CTBP2: variants seen among roughly 807,000 people sequenced by gnomAD.
CTBP2 encodes the protein C-terminal-binding protein 2.
Under a neutral mutation model 80.3 loss-of-function variants are expected in CTBP2, and 30 were observed. The ratio of observed to expected loss-of-function variants is 0.37; its 90% CI spans 0.28 to 0.51. CTBP2 has a LOEUF of 0.51. Ranked by LOEUF, CTBP2 falls within the 20% of genes least tolerant of loss-of-function variation. The pLI, the probability that CTBP2 is intolerant of heterozygous loss-of-function variation, is 0.93. For synonymous variants in CTBP2, 594 were observed against 587.4 expected (o/e 1.01, Z -0.16); for missense variants, 1,212 against 1,375.3 (o/e 0.88, Z 1.88).
At chr10:125,061,028 C>A (rs1472479553) in intron 2 of CTBP2, among the ~76,000 whole-genome samples, 1 of 152,198 alleles carries the variant, frequency 6.6e-6, no homozygotes, top group Admixed American at 6.5e-5. Context: ...CGGCTCCCGG[C>A]AACCCTCAAT....
intron 1 of CTBP2, among the ~76,000 whole-genome samples, chr10:125,022,691 A>G (rs1255617296): frequency 2.6e-5 from 4 of 152,214 alleles, no homozygotes; most frequent in African/African-American, 9.6e-5. Flanking sequence ...GCACACAGGA[A>G]GGGCTGGACT....
At chr10:125,043,334 G>A (rs528554764) in intron 2 of CTBP2, among the ~76,000 whole-genome samples, 12 of 152,304 alleles carry the variant, frequency 7.9e-5, no homozygotes, top group East Asian at 3.9e-4. Context: ...CCAGCTCCTC[G>A]CCACCATCAT....
At chr10:125,150,602 C>T (rs1422238151) in intron 1 of CTBP2, among the ~76,000 whole-genome samples, 1 of 151,894 alleles carries the variant, frequency 6.6e-6, no homozygotes, top group African/African-American at 2.4e-5. Flanking sequence ...ACCTAAGCTC[C>T]CTGGCCCTGA....
chr10:125,061,686 C>T (rs1388142479), intron 2 of CTBP2, among the ~76,000 whole-genome samples: 2 of 152,190 alleles, frequency 1.3e-5, no homozygotes, highest in Admixed American at 6.5e-5. Flanking sequence ...ACAGGCCAGA[C>T]GGAGCCCCCG....
At chr10:125,098,775 A>G in intron 2 of CTBP2, among the ~76,000 whole-genome samples, 1 of 150,244 alleles carries the variant, frequency 6.7e-6, no homozygotes, top group East Asian at 2.0e-4. Context: ...AGAGAGAGAG[A>G]GAGACAGAGA....
chr10:125,101,231 C>T (rs1442732760), intron 2 of CTBP2, among the ~76,000 whole-genome samples: 1 of 152,228 alleles, frequency 6.6e-6, no homozygotes, highest in Non-Finnish European at 1.5e-5. Context: ...TGTGAAGTGG[C>T]CGTGTTCCCG....
intron 2 of CTBP2, among the ~76,000 whole-genome samples, chr10:125,083,632 G>GT (rs1204984271): frequency 1.3e-5 from 2 of 152,134 alleles, no homozygotes; most frequent in Non-Finnish European, 2.9e-5. Flanking sequence ...TACACTCGCT[G>GT]TTGTTTGTTT....
chr10:125,049,046 G>GACACACACACACACACAC (rs1178000125), intron 2 of CTBP2, among the ~76,000 whole-genome samples: 1,392 of 89,582 alleles, frequency 0.016, 58 homozygotes, highest in East Asian at 0.049. Flanking sequence ...CCTGACCACA[G>GACACACACACACACACAC]ACACACACAC....
intron 3 of CTBP2, among the ~76,000 whole-genome samples, chr10:125,038,217 G>A (rs1343180578): frequency 6.6e-6 from 1 of 152,178 alleles, no homozygotes; most frequent in Non-Finnish European, 1.5e-5. Flanking sequence ...GCATATTCCT[G>A]TCCACAAACT....
chr10:125,154,194 AT>A (rs1860514370), intron 1 of CTBP2, among the ~76,000 whole-genome samples: 1 of 152,176 alleles, frequency 6.6e-6, no homozygotes, highest in Admixed American at 6.5e-5. Context: ...GTATTTTTGT[AT>A]TTTATAAATG....
intron 2 of CTBP2, chr10:125,088,090 G>C (rs929254174): frequency 6.6e-6 from 1 of 152,354 alleles, no homozygotes; most frequent in East Asian, 1.9e-4. Context: ...ACAGAGAACT[G>C]TCCAGGATGC....
chr10:125,048,714 A>C (rs1961891799), intron 2 of CTBP2, among the ~76,000 whole-genome samples: 1 of 152,192 alleles, frequency 6.6e-6, no homozygotes, highest in Non-Finnish European at 1.5e-5. Context: ...TAGTGTTGAA[A>C]ATTGGAAACA....
Position 125,024,556 on chromosome 10 carries a change from A to G in CTBP2, c.1678+1526T>C, listed in dbSNP as rs573525095. 2.0e-5 allele frequency among the ~76,000 whole-genome samples: 3 copies of G among 152,374 alleles called. No homozygotes were observed. The South Asian group carries it at 6.2e-4, about 32-fold the overall frequency. On this transcript the variant is annotated intron_variant, in intron 1 of 8. Coordinates refer to ENST00000309035, the MANE Select transcript of CTBP2 (RefSeq NM_022802.3). ...AAAAGAAAAGAAAAGGCAATCTTACAGGTTCCTCCTTCGGCAAAACCTTTC... is the reference window on the plus strand; with the variant it reads ...AAAAGAAAAGAAAAGGCAATCTTACGGGTTCCTCCTTCGGCAAAACCTTTC...
At position 125,027,050 on chromosome 10, in the gene CTBP2, C is replaced by G; in HGVS notation, c.710G>C (p.Ser237Thr). The G allele has an allele frequency of 6.2e-7, 1 of 1,613,448 alleles. No homozygotes were observed. Among genetic ancestry groups the G allele is most frequent in the South Asian group, 1.1e-5 (1 of 91,068 alleles). ...GCTGCCTTCGGGGGCAGCAGCTGAA[C>G]TGGGGTCCACAACCAGGCACGTCGG... is the stretch of plus-strand genomic sequence containing the variant. Residue 237 changes from serine (S) to threonine (T), a missense_variant, in exon 1 of 9, where the codon AGT becomes ACT. By Grantham distance (58) the Ser-to-Thr change is moderately conservative. Around this residue, in one of 3 missense-constraint regions of CTBP2, gnomAD observed 848 missense variants for 782.3 expected, o/e 1.08. Transcript: ENST00000309035.
chr10:125,092,574 T>G (rs963365665), intron 2 of CTBP2, among the ~76,000 whole-genome samples: 2 of 152,156 alleles, frequency 1.3e-5, no homozygotes, highest in Non-Finnish European at 2.9e-5. Context: ...CCAGCAAGTA[T>G]GTGGGGACAG....
intron 1 of CTBP2, among the ~76,000 whole-genome samples, chr10:125,114,733 A>T (rs181635406): frequency 2.8e-4 from 42 of 152,092 alleles, no homozygotes; most frequent in African/African-American, 9.4e-4. Flanking sequence ...CCTTCACTTG[A>T]ACTCATAGCG....
At chr10:125,118,420 G>C (rs995166847) in intron 1 of CTBP2, among the ~76,000 whole-genome samples, 1 of 152,186 alleles carries the variant, frequency 6.6e-6, no homozygotes, top group Non-Finnish European at 1.5e-5. Flanking sequence ...ATTGATAAAC[G>C]GGTGCTGCTG....
chr10:125,043,366 T>G (rs986709531), intron 2 of CTBP2, among the ~76,000 whole-genome samples: 1 of 152,220 alleles, frequency 6.6e-6, no homozygotes, highest in Admixed American at 6.5e-5. Context: ...CCAAGCGCCC[T>G]TAAGGTTACA....
At chr10:125,127,389 C>T (rs1855455349) in intron 1 of CTBP2, among the ~76,000 whole-genome samples, 1 of 152,192 alleles carries the variant, frequency 6.6e-6, no homozygotes, top group Non-Finnish European at 1.5e-5. Context: ...TGGCAGGTCA[C>T]CGGGGCTAGC....
Sources: gnomAD v4.1 joint callset for allele counts (sites outside exome capture counted in the v4.1 genomes callset) on GRCh38, gnomAD v4.1.1 for gene constraint, gnomAD v4.1.1 regional missense constraint, MANE v1.5 for transcripts, NCBI Gene and HGNC (gene_info 2026-07-23, HGNC 2026-07-21) for gene names.